The following KCNJ15 variants were observed in gnomAD, a reference collection of about 807,000 sequenced individuals.
KCNJ15 encodes ATP-sensitive inward rectifier potassium channel 15.
Under a neutral mutation model 23.0 loss-of-function variants are expected in KCNJ15, and 14 were observed. The observed-to-expected ratio is 0.61, with a 90% confidence interval of 0.40 to 0.95. The LOEUF (loss-of-function observed/expected upper bound fraction) is 0.95, where lower values mean the gene tolerates loss of function less well. Among genes scored for constraint, KCNJ15 ranks in the 40% least tolerant of loss-of-function variants. KCNJ15 has a pLI of 0.00. For synonymous variants in KCNJ15, 185 were observed against 183.2 expected, an observed-to-expected ratio of 1.01 and a Z score of -0.08; for missense variants, 388 against 461.8, an observed-to-expected ratio of 0.84 and a Z score of 1.46.
intron 1 of KCNJ15, among the ~76,000 whole-genome samples, chr21:38,275,174 T>G (rs947995639): frequency 6.6e-6 from 1 of 152,206 alleles, no homozygotes; most frequent in African/African-American, 2.4e-5. Flanking sequence ...GTGATTCTCT[T>G]GAATTCATGT....
At chr21:38,246,415 A>G (rs527510793) in intron 1 of KCNJ15, among the ~76,000 whole-genome samples, 2 of 152,358 alleles carry the variant, frequency 1.3e-5, no homozygotes, top group African/African-American at 4.8e-5. Flanking sequence ...TTTCTGTGGA[A>G]TGCAGGCCAA....
At chr21:38,283,858 T>G in intron 1 of KCNJ15, among the ~76,000 whole-genome samples, 1 of 152,184 alleles carries the variant, frequency 6.6e-6, no homozygotes, top group East Asian at 1.9e-4. Flanking sequence ...AGTGAATTCC[T>G]GGTGCCTTTG....
chr21:38,261,328 G>A lies in KCNJ15; in HGVS notation c.-117+4143G>A, dbSNP rs537135003. On this transcript the variant is annotated intron_variant, in intron 1 of 2. Coordinates refer to ENST00000398938, the MANE Select transcript of KCNJ15 (RefSeq NM_170736.3). ...ATTAGGACTGTACTATTAAGTACAA[G>A]GATTTGGATAGGACCTGGGCAAGTG... 1.2e-3 allele frequency among the ~76,000 whole-genome samples: 180 copies of A among 152,288 alleles called. 1 individual carries two copies. Among genetic ancestry groups the A allele is most frequent in the African/African-American group, 4.0e-3 (167 of 41,568 alleles).
chr21:38,283,853 A>G (rs2836283), intron 1 of KCNJ15, among the ~76,000 whole-genome samples: 2,501 of 21,944 alleles, frequency 0.11, 82 homozygotes, highest in African/African-American at 0.2. Context: ...TGAAAAGTGA[A>G]TTCCTGGTGC....
chr21:38,239,186 A>G (rs1356081879), intron 1 of KCNJ15, among the ~76,000 whole-genome samples: 3 of 152,246 alleles, frequency 2.0e-5, no homozygotes, highest in Non-Finnish European at 4.4e-5. Flanking sequence ...CCCTAAAGGC[A>G]TGTTGACACT....
chr21:38,290,699 G>T (rs1290622194), intron 1 of KCNJ15, among the ~76,000 whole-genome samples: 3 of 152,086 alleles, frequency 2.0e-5, no homozygotes, highest in Non-Finnish European at 4.4e-5. Context: ...TGACGATGGA[G>T]ATGCTGCGGT....
intron 1 of KCNJ15, among the ~76,000 whole-genome samples, chr21:38,276,536 C>T (rs1237228219): frequency 6.6e-6 from 1 of 152,042 alleles, no homozygotes; most frequent in Non-Finnish European, 1.5e-5. Context: ...AAGGGAGCAA[C>T]AGACATTGGG....
At chr21:38,284,627 G>C (rs921521123) in intron 1 of KCNJ15, among the ~76,000 whole-genome samples, 1 of 152,212 alleles carries the variant, frequency 6.6e-6, no homozygotes, top group African/African-American at 2.4e-5. Flanking sequence ...AAGCAAGTTT[G>C]ATCCTTTCTC....
chr21:38,263,105 A>T (rs2123617048), intron 1 of KCNJ15, among the ~76,000 whole-genome samples: 1 of 152,328 alleles, frequency 6.6e-6, no homozygotes. Context: ...CCTAGGCCCT[A>T]GGGACAGAAG....
chr21:38,292,968 C>CA (rs540116040), intron 1 of KCNJ15, among the ~76,000 whole-genome samples: 5,639 of 82,714 alleles, frequency 0.068, 343 homozygotes, highest in African/African-American at 0.16. Flanking sequence ...GATGCTGTCT[C>CA]AAAAAAAAAA....
chr21:38,278,084 C>T (rs903145846), intron 1 of KCNJ15, among the ~76,000 whole-genome samples: 5 of 152,218 alleles, frequency 3.3e-5, no homozygotes, highest in Non-Finnish European at 7.3e-5. Flanking sequence ...GACACAATGA[C>T]GTTCCCTCTG....
intron 2 of KCNJ15, among the ~76,000 whole-genome samples, chr21:38,297,945 AG>A (rs1280124777): frequency 6.6e-6 from 1 of 152,210 alleles, no homozygotes; most frequent in African/African-American, 2.4e-5. Context: ...ATTTCCTTGA[AG>A]GGATTTGCCC....
At chr21:38,248,983 C>T (rs1030049427) in intron 1 of KCNJ15, among the ~76,000 whole-genome samples, 7 of 152,184 alleles carry the variant, frequency 4.6e-5, no homozygotes, top group South Asian at 4.1e-4. Flanking sequence ...TAAGTCAATC[C>T]GCTTGCCTCA....
intron 1 of KCNJ15, among the ~76,000 whole-genome samples, chr21:38,274,553 G>A (rs564897613): frequency 6.6e-6 from 1 of 152,300 alleles, no homozygotes; most frequent in Admixed American, 6.5e-5. Flanking sequence ...GTCTAGTATA[G>A]TCAAAAATAG....
At position 38,300,691 on chromosome 21, in the gene KCNJ15, C is replaced by T. The variant is rs1334448797; in HGVS notation, c.*302C>T. The T allele has an allele frequency of 6.6e-6, 2 of 301,374 alleles. No individual in the cohort carries two copies. The highest frequency in any genetic ancestry group is 6.5e-6 in the Non-Finnish European group (1 of 154,262). 18.7% of individuals were successfully genotyped at this position (301,374 alleles called of 1,614,324 possible). ...AATAATGTCCTGTTAGATAAACAGA[C>T]ATTTAGCAATCCTGACATTAAAAGG... On this transcript the variant is annotated 3_prime_UTR_variant, in exon 3 of 3. Coordinates refer to ENST00000398938, the MANE Select transcript of KCNJ15 (RefSeq NM_170736.3).
chr21:38,290,692 C>T (rs759722879), intron 1 of KCNJ15, among the ~76,000 whole-genome samples: 4 of 151,970 alleles, frequency 2.6e-5, no homozygotes, highest in Non-Finnish European at 4.4e-5. Flanking sequence ...GCATTTCTGA[C>T]GATGGAGATG....
chr21:38,283,188 T>C (rs550308912), intron 1 of KCNJ15, among the ~76,000 whole-genome samples: 4 of 151,952 alleles, frequency 2.6e-5, no homozygotes, highest in African/African-American at 9.7e-5. Flanking sequence ...CACAACACTG[T>C]GTGGAAAGTT....
intron 1 of KCNJ15, among the ~76,000 whole-genome samples, chr21:38,287,422 G>C (rs901977049): frequency 2.6e-5 from 4 of 152,166 alleles, no homozygotes; most frequent in African/African-American, 9.7e-5. Context: ...CCCTAGGGAT[G>C]CCAGATTTAG....
At chr21:38,245,715 A>C (rs1568984072) in intron 1 of KCNJ15, among the ~76,000 whole-genome samples, 2 of 152,024 alleles carry the variant, frequency 1.3e-5, no homozygotes, top group South Asian at 2.1e-4. Context: ...GAAAGAAAGA[A>C]AGAGAGAGAA....
Sources: allele counts gnomAD v4.1 joint callset (sites outside exome capture counted in the v4.1 genomes callset), GRCh38; gene constraint gnomAD v4.1.1; transcripts MANE v1.5; gene names NCBI Gene and HGNC (gene_info 2026-07-23, HGNC 2026-07-21).